Variants in TMEM38A observed in about 807,000 individuals in gnomAD.
The protein encoded by TMEM38A is transmembrane protein 38A.
Under a neutral mutation model 28.6 loss-of-function variants are expected in TMEM38A, and 17 were observed. The observed-to-expected ratio is 0.60, with a 90% CI of 0.41 to 0.89. The LOEUF is 0.89. Ranked by LOEUF, TMEM38A falls within the 40% of genes least tolerant of loss-of-function variation. The probability of loss-of-function intolerance (pLI) is 0.00; values close to 1 mark genes in which losing one functional copy is unlikely to be tolerated. For synonymous variants in TMEM38A, 169 were observed against 166.1 expected, an observed-to-expected ratio of 1.02 and a Z score of -0.14; for missense variants, 328 against 393.1, an observed-to-expected ratio of 0.83 and a Z score of 1.40.
At chr19:16,678,058 G>A (rs995059182) in intron 1 of TMEM38A, among the ~76,000 whole-genome samples, 2 of 152,162 alleles carry the variant, frequency 1.3e-5, no homozygotes, top group African/African-American at 4.8e-5. Context: ...ATAGGTTTCA[G>A]TTTGGGAAGA....
chr19:16,676,755 CTTTTT>C (rs960732087), intron 1 of TMEM38A, among the ~76,000 whole-genome samples: 1 of 119,278 alleles, frequency 8.4e-6, no homozygotes, highest in Non-Finnish European at 1.7e-5. Flanking sequence ...TTTTCATGAC[CTTTTT>C]TTTTTTTTTT....
chr19:16,675,335 G>T lies in TMEM38A; in HGVS notation c.125-4649G>T, dbSNP rs533399130. Among the ~76,000 whole-genome samples the T allele has an allele frequency of 4.6e-5, 7 of 152,074 alleles. No individual in the cohort carries two copies. The South Asian group carries it at 1.2e-3, about 27-fold the overall frequency. ...TGCAGCCTCAACCTTCCAGGCTCAA[G>T]TGGTCCTCCCACCTCAGAAGTAGCT... is the stretch of plus-strand genomic sequence containing the variant. On this transcript the variant is annotated intron_variant, in intron 1 of 5. Transcript: ENST00000187762.
chr19:16,662,611 A>G (rs2086687095), intron 1 of TMEM38A, among the ~76,000 whole-genome samples: 1 of 151,448 alleles, frequency 6.6e-6, no homozygotes, highest in African/African-American at 2.4e-5. Context: ...CCGCCACTAC[A>G]CTTGGCTAAT....
At chr19:16,685,637 C>A (rs1411839925) in intron 4 of TMEM38A, among the ~76,000 whole-genome samples, 1 of 152,118 alleles carries the variant, frequency 6.6e-6, no homozygotes, top group East Asian at 1.9e-4. Flanking sequence ...GTCTTCAGCC[C>A]CTCTAGAGGT....
At chr19:16,676,842 C>T (rs987199287) in intron 1 of TMEM38A, among the ~76,000 whole-genome samples, 1 of 146,472 alleles carries the variant, frequency 6.8e-6, no homozygotes, top group Non-Finnish European at 1.5e-5. Context: ...CTCACTGCAA[C>T]CTCTGCCTCC....
intron 4 of TMEM38A, 113 bp from the exon 5 acceptor site, chr19:16,686,175 A>G: frequency 4.2e-6 from 3 of 712,004 alleles, no homozygotes; most frequent in Non-Finnish European, 7.0e-6. Context: ...AAGGAAAAGA[A>G]AAGAGAGAAG....
At chr19:16,676,592 C>G (rs4808053) in intron 1 of TMEM38A, among the ~76,000 whole-genome samples, 8,140 of 151,984 alleles carry the variant, frequency 0.054, 408 homozygotes, top group East Asian at 0.25. Flanking sequence ...TACCAGGAGA[C>G]ACAAGTTCTA....
intron 1 of TMEM38A, among the ~76,000 whole-genome samples, chr19:16,672,839 C>T: frequency 6.6e-6 from 1 of 152,122 alleles, no homozygotes; most frequent in East Asian, 1.9e-4. Context: ...CAGAGATTCT[C>T]AACCAGAAGG....
Position 16,679,965 on chromosome 19 carries a change from A to G in TMEM38A, c.125-19A>G. 1 of 1,578,856 alleles carries G rather than the reference A, an allele frequency of 6.3e-7. No homozygotes were observed. The stretch of plus-strand genomic sequence containing the variant: ...CTTGGCATGCTGGTGATGATGGGGG[A>G]CACTCCTGTGCCTCCCAGGAGCAGT... On this transcript the variant is annotated intron_variant, in intron 1 of 5. Transcript: ENST00000187762.
rs939098092 is a variant in TMEM38A at position 16,689,797 on chromosome 19, G to C, written c.*1426G>C. 6.6e-6 allele frequency: 1 copy of C among 152,326 alleles called. No homozygotes were observed. Among genetic ancestry groups the C allele is most frequent in the Admixed American group, 6.6e-5 (1 of 15,264 alleles). The allele number at this position is 152,326 out of a possible 1,614,324, so 9.4% of individuals were successfully genotyped here. A position where few individuals can be genotyped will look rare whatever the true frequency, so the allele number is the denominator to read the frequency against. ...TCCTGGTCACCCTCATCTCAGCCTAGGTCACCAGGATGTCTGAGAGGGGTG... is the reference window on the plus strand; with the variant it reads ...TCCTGGTCACCCTCATCTCAGCCTACGTCACCAGGATGTCTGAGAGGGGTG... On this transcript the variant is annotated 3_prime_UTR_variant, in exon 6 of 6. Transcript: ENST00000187762.
chr19:16,682,308 G>A, intron 3 of TMEM38A, 113 bp from the exon 4 acceptor site: 2 of 811,382 alleles, frequency 2.5e-6, no homozygotes, highest in South Asian at 3.0e-5. Flanking sequence ...CCCAGGCTCA[G>A]TGTCCTTCTA....
chr19:16,687,223 T>G lies in TMEM38A; in HGVS notation c.672+818T>G, dbSNP rs548333597. ...GTCACATGCCTGTAATCCCAGCTAC[T>G]CGGGAGGCTGAGGCAGGAGAATCGC... On this transcript the variant is annotated intron_variant, in intron 5 of 5. Transcript: ENST00000187762. Among the ~76,000 whole-genome samples the G allele has an allele frequency of 2.0e-5, 3 of 152,202 alleles. No homozygotes were observed. In the East Asian group the frequency reaches 5.8e-4, roughly 29 times the overall value.
chr19:16,671,223 T>TTTTTTTTTTTTTTTTGG (rs2086726256), intron 1 of TMEM38A, among the ~76,000 whole-genome samples: 1 of 122,700 alleles, frequency 8.1e-6, no homozygotes. Context: ...TTTTTTTTTT[T>TTTTTTTTTTTTTTTTGG]GAGGCGGAGT....
intron 4 of TMEM38A, among the ~76,000 whole-genome samples, chr19:16,683,588 G>A (rs1439664614): frequency 2.1e-5 from 2 of 97,520 alleles, no homozygotes; most frequent in African/African-American, 1.1e-4. Flanking sequence ...GCAAGACCTT[G>A]TCTCAAAAAA....
intron 1 of TMEM38A, among the ~76,000 whole-genome samples, chr19:16,678,580 C>A (rs896876548): frequency 6.6e-6 from 1 of 151,174 alleles, no homozygotes; most frequent in Non-Finnish European, 1.5e-5. Context: ...GGCAACATGG[C>A]GAAACCCCGT....
chr19:16,671,223 T>TTTTTTTTTTG (rs2086726256), intron 1 of TMEM38A, among the ~76,000 whole-genome samples: 1 of 122,630 alleles, frequency 8.2e-6, no homozygotes, highest in African/African-American at 3.4e-5. Flanking sequence ...TTTTTTTTTT[T>TTTTTTTTTTG]GAGGCGGAGT....
intron 3 of TMEM38A, 35 bp from the exon 4 acceptor site, chr19:16,682,386 G>A (rs781673280): frequency 2.6e-6 from 4 of 1,568,592 alleles, no homozygotes; most frequent in East Asian, 2.2e-5. Flanking sequence ...AGACCTGGGG[G>A]TGGTGGGCTT....
chr19:16,683,628 A>G (rs1362277000), intron 4 of TMEM38A, among the ~76,000 whole-genome samples: 2 of 150,748 alleles, frequency 1.3e-5, no homozygotes, highest in Non-Finnish European at 2.9e-5. Context: ...ATGCATTTAA[A>G]TCACCTGGCC....
At chr19:16,673,427 G>T (rs1319411475) in intron 1 of TMEM38A, among the ~76,000 whole-genome samples, 1 of 152,160 alleles carries the variant, frequency 6.6e-6, no homozygotes, top group Non-Finnish European at 1.5e-5. Flanking sequence ...GCTTCCCACA[G>T]CTTTACTAAG....
Sources: allele counts gnomAD v4.1 joint callset (sites outside exome capture counted in the v4.1 genomes callset), GRCh38; gene constraint gnomAD v4.1.1; transcripts MANE v1.5; gene names NCBI Gene and HGNC (gene_info 2026-07-23, HGNC 2026-07-21).